PDXDC1: variants seen among roughly 807,000 people sequenced by gnomAD.
The protein encoded by PDXDC1 is pyridoxal dependent decarboxylase domain containing 1.
Under a neutral mutation model 100.1 loss-of-function variants are expected in PDXDC1, and 42 were observed. The ratio of observed to expected loss-of-function variants is 0.42; its 90% CI spans 0.33 to 0.54. The LOEUF (loss-of-function observed/expected upper bound fraction) is 0.54, where lower values mean the gene tolerates loss of function less well. PDXDC1 is among the 20% of genes least tolerant of loss of function. The pLI is 0.10. For missense variants in PDXDC1, 636 were observed against 979.2 expected (o/e 0.65, Z 4.68); for synonymous variants, 260 against 371.7 (o/e 0.70, Z 3.46).
intron 4 of PDXDC1, among the ~76,000 whole-genome samples, chr16:15,003,166 A>G (rs1375783399): frequency 6.6e-6 from 1 of 151,798 alleles, no homozygotes; most frequent in African/African-American, 2.4e-5. Flanking sequence ...AATTTGCTGT[A>G]TTATTGCAAT....
chr16:14,983,429 C>T (rs1226938854), intron 1 of PDXDC1, among the ~76,000 whole-genome samples: 12 of 152,226 alleles, frequency 7.9e-5, no homozygotes, highest in South Asian at 6.2e-4. Context: ...AAAAACTAGC[C>T]GGGTGTCGTG....
intron 1 of PDXDC1, among the ~76,000 whole-genome samples, chr16:14,990,598 C>T (rs1970551690): frequency 2.6e-5 from 4 of 152,248 alleles, no homozygotes; most frequent in Admixed American, 2.6e-4. Context: ...TTGAATTATC[C>T]AATTAATGCA....
chr16:15,086,133 C>T, intron 16 of PDXDC1: 2 of 1,602,262 alleles, frequency 1.2e-6, no homozygotes, highest in South Asian at 1.1e-5. Flanking sequence ...ACTTACGAGG[C>T]ACAAAATGGG....
intron 20 of PDXDC1, 38 bp downstream of exon 20, chr16:15,034,416 C>T (rs376166027): frequency 5.3e-5 from 86 of 1,613,370 alleles, no homozygotes; most frequent in African/African-American, 3.1e-4. Flanking sequence ...GGGGAGCCGC[C>T]GTGAGGCCAG....
intron 16 of PDXDC1, among the ~76,000 whole-genome samples, chr16:15,067,240 G>C (rs554038979): frequency 6.6e-6 from 1 of 151,692 alleles, no homozygotes; most frequent in Non-Finnish European, 1.5e-5. Context: ...GCTATGATCC[G>C]GCCTAAATAT....
intron 16 of PDXDC1, among the ~76,000 whole-genome samples, chr16:15,070,488 GC>G (rs1189363578): frequency 2.0e-5 from 3 of 151,896 alleles, no homozygotes; most frequent in Admixed American, 1.3e-4. Flanking sequence ...GAACAGGTGA[GC>G]CCCTAAGAAC....
In PDXDC1 at chr16:15,070,650, T is replaced by C. The variant is rs371914980; in HGVS notation, c.1399+40594T>C. ...TCCCTGATGCATCCTAGTCAAGTCC[T>C]ATGGTGAATAATTTTGTGGTTGGGG... On this transcript the variant is annotated intron_variant, in intron 16 of 16. Transcript: ENST00000535621. Among the ~76,000 whole-genome samples the C allele has an allele frequency of 3.9e-5, 6 of 152,256 alleles. No homozygotes were observed. In the South Asian group the frequency reaches 1.2e-3, roughly 32 times the overall value.
At chr16:15,043,965 GA>G (rs1282995575) in intron 16 of PDXDC1, among the ~76,000 whole-genome samples, 1 of 151,892 alleles carries the variant, frequency 6.6e-6, no homozygotes, top group Non-Finnish European at 1.5e-5. Context: ...GAAAAAAAAA[GA>G]AAAAATTTGC....
At chr16:15,088,027 T>C (rs900258881) in intron 16 of PDXDC1, among the ~76,000 whole-genome samples, 2 of 151,870 alleles carry the variant, frequency 1.3e-5, no homozygotes, top group Non-Finnish European at 2.9e-5. Flanking sequence ...GGCAGGAGAA[T>C]TGCTTAAAAA....
Position 15,034,309 on chromosome 16 carries a change from G to T in PDXDC1, c.1836G>T (p.Val612=), listed in dbSNP as rs779272355. The T allele has an allele frequency of 1.9e-6, 3 of 1,613,246 alleles. 1 individual carries two copies. The South Asian group carries it at 3.3e-5, about 18-fold the overall frequency. ...NSRLLENMTE[V]VRKGIQEAQV... ...AGCTTCTGGAAAACATGACAGAAGT[G>T]GTTCGGAAAGGCATTCAGGAAGCTC... The change falls in exon 20 of 23, where the codon GTG becomes GTT. Residue 612 remains valine, a synonymous_variant. Coordinates refer to ENST00000396410, the MANE Select transcript of PDXDC1 (RefSeq NM_015027.4).
intron 16 of PDXDC1, chr16:15,137,901 C>A (rs1036334824): frequency 2.0e-6 from 2 of 1,003,244 alleles, no homozygotes; most frequent in Non-Finnish European, 3.0e-6. Context: ...CAGTCACACT[C>A]AAACGGGTTC....
At chr16:15,032,205 G>T in intron 17 of PDXDC1, 1 of 384,750 alleles carries the variant, frequency 2.6e-6, no homozygotes, top group Non-Finnish European at 4.7e-6. Flanking sequence ...ACTATCCAGG[G>T]CATATAGAGA....
At chr16:15,058,403 G>C (rs551273188) in intron 16 of PDXDC1, among the ~76,000 whole-genome samples, 1 of 152,298 alleles carries the variant, frequency 6.6e-6, no homozygotes, top group East Asian at 1.9e-4. Flanking sequence ...AAAGTTCAAA[G>C]AATATATACA....
intron 12 of PDXDC1, among the ~76,000 whole-genome samples, chr16:15,021,376 C>A (rs1387266907): frequency 1.3e-5 from 2 of 152,178 alleles, no homozygotes; most frequent in Admixed American, 6.5e-5. Flanking sequence ...CAGAGTAGGA[C>A]CCTGTCTCAA....
chr16:15,141,611 C>T (rs1254626970), downstream of PDXDC1, among the ~76,000 whole-genome samples: 64 of 152,178 alleles, frequency 4.2e-4, no homozygotes, highest in Admixed American at 4.2e-3. Flanking sequence ...GCAGGGCCAC[C>T]GCTTCCCCCC....
downstream of PDXDC1, among the ~76,000 whole-genome samples, chr16:15,140,370 G>C (rs1278423531): frequency 1.3e-5 from 2 of 149,882 alleles, no homozygotes; most frequent in South Asian, 2.1e-4. Context: ...CTTGAACCCG[G>C]GAGGCAGAGG....
At chr16:15,125,651 G>A (rs762217331) in intron 16 of PDXDC1, 2 of 1,263,344 alleles carry the variant, frequency 1.6e-6, no homozygotes, top group South Asian at 2.4e-5. Context: ...AAGGCGGCAG[G>A]ACCCCCAGCC....
chr16:14,978,236 C>A (rs1473969284), intron 1 of PDXDC1, among the ~76,000 whole-genome samples: 2 of 152,302 alleles, frequency 1.3e-5, no homozygotes, highest in Non-Finnish European at 1.5e-5. Context: ...CCCTGCCCCC[C>A]ACTGTATGTC....
intron 18 of PDXDC1, 27 bp downstream of exon 18, chr16:15,033,006 G>A (rs752173916): frequency 2.2e-6 from 3 of 1,368,770 alleles, no homozygotes; most frequent in African/African-American, 2.9e-5. Flanking sequence ...TAAGTCAGCT[G>A]TGGGGTTTGG....
Sources: gnomAD v4.1 joint callset for allele counts (sites outside exome capture counted in the v4.1 genomes callset) on GRCh38, gnomAD v4.1.1 for gene constraint, MANE v1.5 for transcripts, NCBI Gene and HGNC (gene_info 2026-07-23, HGNC 2026-07-21) for gene names.